CDKAL1: variants seen among roughly 807,000 people sequenced by gnomAD.
CDKAL1 encodes the protein CDKAL1 threonylcarbamoyladenosine tRNA methylthiotransferase, also known as threonylcarbamoyladenosine tRNA methylthiotransferase.
A neutral mutation model predicts 68.2 loss-of-function variants in CDKAL1; 32 were observed. The observed-to-expected ratio is 0.47, with a 90% CI of 0.35 to 0.63. The LOEUF (loss-of-function observed/expected upper bound fraction) is 0.63, where lower values mean the gene tolerates loss of function less well. CDKAL1 is among the 30% of genes least tolerant of loss of function. The pLI is 0.00. For synonymous variants in CDKAL1, 234 were observed against 244.3 expected, an observed-to-expected ratio of 0.96 and a Z score of 0.39; for missense variants, 606 against 696.7, an observed-to-expected ratio of 0.87 and a Z score of 1.47.
intron 5 of CDKAL1, among the ~76,000 whole-genome samples, chr6:20,686,300 G>A (rs551692374): frequency 1.3e-5 from 2 of 152,198 alleles, no homozygotes; most frequent in Admixed American, 6.5e-5. Flanking sequence ...GGAGGTGAGC[G>A]GTGGGTGAGT....
At chr6:21,101,039 A>G (rs1773551966) in intron 12 of CDKAL1, among the ~76,000 whole-genome samples, 1 of 152,196 alleles carries the variant, frequency 6.6e-6, no homozygotes, top group African/African-American at 2.4e-5. Context: ...CTGCAGCCAC[A>G]GCCTTACTGT....
intron 5 of CDKAL1, among the ~76,000 whole-genome samples, chr6:20,737,523 C>G (rs1263694564): frequency 6.6e-6 from 1 of 151,988 alleles, no homozygotes; most frequent in Non-Finnish European, 1.5e-5. Context: ...GGATGTTTGG[C>G]AGAAATTCTA....
At chr6:20,793,617 C>T (rs1384331628) in intron 8 of CDKAL1, among the ~76,000 whole-genome samples, 1 of 151,658 alleles carries the variant, frequency 6.6e-6, no homozygotes, top group Non-Finnish European at 1.5e-5. Flanking sequence ...AATTAATTTT[C>T]TTAATTTTAT....
intron 4 of CDKAL1, chr6:20,599,389 G>A (rs946881119): frequency 5.7e-5 from 26 of 454,090 alleles, no homozygotes; most frequent in Admixed American, 1.4e-4. Context: ...TTGAGTGTAC[G>A]TTTGCTTCGT....
chr6:21,223,161 C>CTGTTGAT (rs1307573821), intron 15 of CDKAL1, among the ~76,000 whole-genome samples: 1 of 152,148 alleles, frequency 6.6e-6, no homozygotes, highest in Non-Finnish European at 1.5e-5. Context: ...TTTGGTGGGA[C>CTGTTGAT]TGTTGATCTT....
At chr6:20,924,356 A>G (rs1477366324) in intron 9 of CDKAL1, among the ~76,000 whole-genome samples, 1 of 150,750 alleles carries the variant, frequency 6.6e-6, no homozygotes, top group Non-Finnish European at 1.5e-5. Context: ...ACAGAGTAAG[A>G]CCCTGTCTCT....
intron 11 of CDKAL1, among the ~76,000 whole-genome samples, chr6:21,010,202 A>G (rs1291993812): frequency 1.3e-5 from 2 of 152,254 alleles, no homozygotes; most frequent in East Asian, 1.9e-4. Context: ...AACTACAAAT[A>G]AAAGTAATGA....
chr6:20,597,405 G>A (rs1765879710), intron 4 of CDKAL1, among the ~76,000 whole-genome samples: 1 of 151,492 alleles, frequency 6.6e-6, no homozygotes, highest in Non-Finnish European at 1.5e-5. Context: ...TGGGATTACA[G>A]GCATGAGCCA....
At chr6:20,700,172 C>T (rs1771278773) in intron 5 of CDKAL1, among the ~76,000 whole-genome samples, 1 of 151,238 alleles carries the variant, frequency 6.6e-6, no homozygotes, top group Non-Finnish European at 1.5e-5. Context: ...CACCTTGCTT[C>T]TGTTTTATTC....
At chr6:21,015,947 CAAAAA>C (rs776583682) in intron 11 of CDKAL1, among the ~76,000 whole-genome samples, 1 of 75,570 alleles carries the variant, frequency 1.3e-5, no homozygotes. Flanking sequence ...GACTCTGACT[CAAAAA>C]AAAAAAAAAA....
intron 15 of CDKAL1, among the ~76,000 whole-genome samples, chr6:21,226,378 G>C (rs1003633108): frequency 2.7e-5 from 4 of 147,626 alleles, no homozygotes; most frequent in Non-Finnish European, 5.9e-5. Flanking sequence ...CTACACTTTT[G>C]AAAATTAGTA....
chr6:20,888,392 T>C (rs1043195289), intron 9 of CDKAL1, among the ~76,000 whole-genome samples: 2 of 148,276 alleles, frequency 1.3e-5, no homozygotes, highest in African/African-American at 5.0e-5. Flanking sequence ...TATTATACTT[T>C]AAGTTTTAGG....
chr6:20,968,344 A>G (rs996725420), intron 10 of CDKAL1, among the ~76,000 whole-genome samples: 2 of 151,802 alleles, frequency 1.3e-5, no homozygotes, highest in East Asian at 1.9e-4. Flanking sequence ...TTTTTTATAG[A>G]GACAGAGTCT....
intron 13 of CDKAL1, among the ~76,000 whole-genome samples, chr6:21,134,494 A>G (rs905332330): frequency 7.2e-5 from 11 of 152,210 alleles, no homozygotes; most frequent in Non-Finnish European, 1.6e-4. Flanking sequence ...ATCTTCTTGT[A>G]TGTGCCCCAA....
At chr6:20,815,249 C>T (rs62399349) in intron 8 of CDKAL1, among the ~76,000 whole-genome samples, 43,430 of 151,952 alleles carry the variant, frequency 0.29, 6,718 homozygotes, top group East Asian at 0.53. Flanking sequence ...AGAATTATTA[C>T]CATGTTTGTT....
intron 13 of CDKAL1, among the ~76,000 whole-genome samples, chr6:21,178,056 C>T (rs1777654134): frequency 6.6e-6 from 1 of 152,022 alleles, no homozygotes. Context: ...TTTCTTTAGT[C>T]TATCAACTAT....
At chr6:20,692,894 AG>A (rs1033363512) in intron 5 of CDKAL1, among the ~76,000 whole-genome samples, 18 of 151,964 alleles carry the variant, frequency 1.2e-4, no homozygotes, top group African/African-American at 4.1e-4. Context: ...TGGGAGGCCG[AG>A]GTGGGTGGAT....
chr6:21,007,988 G>A (rs1413121034), intron 11 of CDKAL1, among the ~76,000 whole-genome samples: 3 of 152,234 alleles, frequency 2.0e-5, no homozygotes, highest in Non-Finnish European at 4.4e-5. Context: ...ACTTAGAAGA[G>A]AAGATGAGGA....
chr6:20,714,344 G>A (rs1456009318), intron 5 of CDKAL1, among the ~76,000 whole-genome samples: 9 of 136,544 alleles, frequency 6.6e-5, no homozygotes, highest in Non-Finnish European at 9.5e-5. Flanking sequence ...CAAATTCAAT[G>A]CTTTTGTTAA....
Sources: gnomAD v4.1 joint callset for allele counts (sites outside exome capture counted in the v4.1 genomes callset) on GRCh38, gnomAD v4.1.1 for gene constraint, MANE v1.5 for transcripts, NCBI Gene and HGNC (gene_info 2026-07-23, HGNC 2026-07-21) for gene names.